NRG2: variants seen among roughly 807,000 people sequenced by gnomAD.
NRG2 encodes the protein pro-neuregulin-2, membrane-bound isoform.
NRG2 carries 27 observed loss-of-function variants against 73.9 expected under a neutral mutation model. That is an observed-to-expected ratio of 0.37 (90% confidence interval 0.27 to 0.50). The LOEUF (loss-of-function observed/expected upper bound fraction) is 0.50. Ranked by LOEUF, NRG2 falls within the 20% of genes least tolerant of loss-of-function variation. The probability of loss-of-function intolerance (pLI) is 0.96; values close to 1 mark genes in which losing one functional copy is unlikely to be tolerated. For missense variants in NRG2, 1,126 were observed against 1,210.1 expected, an observed-to-expected ratio of 0.93 and a Z score of 1.03; for synonymous variants, 532 against 541.0, an observed-to-expected ratio of 0.98 and a Z score of 0.23.
rs76518683 is a variant in NRG2, at chr5:139,853,734, C to T, written c.1293-707G>A. ...TTTAAGACCCTTCATTGTGAACTCA[C>T]GGAGATAGAGAGTAGAAGGATGGTT... On this transcript the variant is annotated intron_variant, in intron 6 of 9. Coordinates refer to ENST00000361474, the MANE Select transcript of NRG2 (RefSeq NM_004883.3). This position sits in a 1 kb window ranked among gnomAD's most constrained non-coding sequence, Gnocchi z 4.1. 0.012 allele frequency among the ~76,000 whole-genome samples: 1,842 copies of T among 151,692 alleles called. 31 individuals are homozygous for T. The highest frequency in any genetic ancestry group is 0.042 in the African/African-American group (1,738 of 41,324).
In NRG2 at chr5:140,000,980, T is replaced by C. The variant is rs185029442; in HGVS notation, c.700+41390A>G. Among the ~76,000 whole-genome samples, 33 of 152,330 alleles carry C rather than the reference T, an allele frequency of 2.2e-4. 1 individual carries two copies. Among genetic ancestry groups the C allele is most frequent in the Admixed American group, 6.5e-4 (10 of 15,306 alleles). ...TCGATCTCTCTGTGACCTACTTTGA[T>C]AGCCTCGTCTTCTGCCTTTTCTCCA... On this transcript the variant is annotated intron_variant, in intron 1 of 9. Coordinates refer to ENST00000361474, the MANE Select transcript of NRG2 (RefSeq NM_004883.3).
chr5:140,016,933 G>C lies in NRG2; in HGVS notation c.700+25437C>G, dbSNP rs974057353. ...AGGTGAGATCACACAGGGCCTTGGA[G>C]GCCACGTGAGGGTTTTGTTGTAATA... On this transcript the variant is annotated intron_variant, in intron 1 of 9. Coordinates refer to ENST00000361474, the MANE Select transcript of NRG2 (RefSeq NM_004883.3). Among the ~76,000 whole-genome samples, 12 of 152,326 alleles carry C rather than the reference G, an allele frequency of 7.9e-5. No individual in the cohort carries two copies. The East Asian group carries it at 2.1e-3, about 27-fold the overall frequency.
chr5:139,980,075 T>C (rs931424156), intron 1 of NRG2, among the ~76,000 whole-genome samples: 18 of 152,172 alleles, frequency 1.2e-4, no homozygotes, highest in African/African-American at 4.1e-4. Context: ...GTTTGTCACA[T>C]CCCATGCTAT....
At chr5:140,033,225 C>T (rs952775969) in intron 1 of NRG2, among the ~76,000 whole-genome samples, 9 of 152,170 alleles carry the variant, frequency 5.9e-5, no homozygotes, top group African/African-American at 2.2e-4. Flanking sequence ...ACCCCCAAAT[C>T]AAAGCAGGAT....
rs1426452918 is a variant in NRG2, at chr5:139,904,578, T to G, written c.701-17067A>C. ...CCGCGCCCTCCACCCTCGCCCCCCC[T>G]CCACCGGCTCGGGCCGCGGGGGCGT... On this transcript the variant is annotated intron_variant, in intron 1 of 9. Transcript: ENST00000361474. This position sits in a 1 kb window ranked among gnomAD's most constrained non-coding sequence, Gnocchi z 6.0. Among the ~76,000 whole-genome samples the G allele has an allele frequency of 6.6e-6, 1 of 151,546 alleles. No homozygotes were observed. The highest frequency in any genetic ancestry group is 2.4e-5 in the African/African-American group (1 of 41,194).
intron 1 of NRG2, among the ~76,000 whole-genome samples, chr5:139,964,412 C>T (rs1755330699): frequency 7.0e-6 from 1 of 142,114 alleles, no homozygotes; most frequent in Admixed American, 6.8e-5. Context: ...TCTAGAATCA[C>T]AGCCTGTCAA....
At chr5:139,896,082 G>C (rs1217839731) in intron 1 of NRG2, among the ~76,000 whole-genome samples, 2 of 152,156 alleles carry the variant, frequency 1.3e-5, no homozygotes, top group East Asian at 3.8e-4. Flanking sequence ...ATGTAGCAGG[G>C]GTTGGGGAAA....
At chr5:139,890,446 T>C (rs912261344) in intron 1 of NRG2, among the ~76,000 whole-genome samples, 1 of 149,614 alleles carries the variant, frequency 6.7e-6, no homozygotes, top group African/African-American at 2.5e-5. Flanking sequence ...TTCGTCTTTT[T>C]CTTTTCTTTT....
intron 1 of NRG2, among the ~76,000 whole-genome samples, chr5:140,020,488 TAAAAGG>T (rs1760133536): frequency 6.6e-6 from 1 of 152,168 alleles, no homozygotes; most frequent in Non-Finnish European, 1.5e-5. Flanking sequence ...CTTCCACTTT[TAAAAGG>T]AAAAGGAATG....
intron 1 of NRG2, among the ~76,000 whole-genome samples, chr5:139,923,093 T>C (rs145634889): frequency 6.6e-6 from 1 of 152,232 alleles, no homozygotes; most frequent in Non-Finnish European, 1.5e-5. Context: ...TAGTGTAAAC[T>C]ATGGATTTTG....
rs535853894 is a variant in NRG2 at position 139,942,848 on chromosome 5, T to C, written c.701-55337A>G. Among the ~76,000 whole-genome samples, 7 of 152,322 alleles carry C rather than the reference T, an allele frequency of 4.6e-5. No homozygotes were observed. In the South Asian group the frequency reaches 1.5e-3, roughly 32 times the overall value. ...TTTGATGTAGCCTGATTTCCACTATTTATTTATTTATTGAAACAGTCTCAC... is the reference window on the plus strand; with the variant it reads ...TTTGATGTAGCCTGATTTCCACTATCTATTTATTTATTGAAACAGTCTCAC... On this transcript the variant is annotated intron_variant, in intron 1 of 9. Coordinates refer to ENST00000361474, the MANE Select transcript of NRG2 (RefSeq NM_004883.3).
intron 1 of NRG2, among the ~76,000 whole-genome samples, chr5:140,003,511 T>G (rs1758656055): frequency 1.3e-5 from 2 of 152,170 alleles, no homozygotes; most frequent in African/African-American, 2.4e-5. Flanking sequence ...AGCCAAGGAA[T>G]GCAGGTGACC....
At chr5:139,975,872 T>C (rs1756347693) in intron 1 of NRG2, among the ~76,000 whole-genome samples, 1 of 152,176 alleles carries the variant, frequency 6.6e-6, no homozygotes, top group African/African-American at 2.4e-5. Flanking sequence ...GGTAATAGAA[T>C]AAAAGAAAAT....
At chr5:139,876,584 C>G (rs1210725021) in intron 3 of NRG2, among the ~76,000 whole-genome samples, 1 of 152,126 alleles carries the variant, frequency 6.6e-6, no homozygotes, top group Admixed American at 6.5e-5. Flanking sequence ...ATCAGGGCCC[C>G]TGAAGAGTGA....
intron 1 of NRG2, among the ~76,000 whole-genome samples, chr5:139,962,369 T>C (rs1199552138): frequency 6.6e-6 from 1 of 152,168 alleles, no homozygotes; most frequent in Non-Finnish European, 1.5e-5. Context: ...CAGAGCCAGC[T>C]TGGCTCAAAA....
At chr5:140,011,874 C>T (rs1396979373) in intron 1 of NRG2, among the ~76,000 whole-genome samples, 1 of 152,120 alleles carries the variant, frequency 6.6e-6, no homozygotes, top group East Asian at 1.9e-4. Flanking sequence ...ATAAGAGGAC[C>T]CAACTCAAAA....
intron 1 of NRG2, among the ~76,000 whole-genome samples, chr5:139,896,901 GGCC>G (rs1417883642): frequency 6.6e-6 from 1 of 152,206 alleles, no homozygotes; most frequent in Non-Finnish European, 1.5e-5. Context: ...TGTAGAGAAA[GGCC>G]GCCCACCTTC....
In NRG2 at chr5:139,898,296, A is replaced by G. The variant is rs78882079; in HGVS notation, c.701-10785T>C. 6.4e-4 allele frequency among the ~76,000 whole-genome samples: 97 copies of G among 152,376 alleles called. 1 individual carries two copies. The East Asian group carries it at 0.014, about 23-fold the overall frequency. On this transcript the variant is annotated intron_variant, in intron 1 of 9. Coordinates refer to ENST00000361474, the MANE Select transcript of NRG2 (RefSeq NM_004883.3). ...CGAGGTACTCATGGAACTGAGAGGAATCCATCTGCACCGCAGGCATGAGAG... is the reference window on the plus strand; with the variant it reads ...CGAGGTACTCATGGAACTGAGAGGAGTCCATCTGCACCGCAGGCATGAGAG...
At chr5:139,920,682 A>G (rs1202125626) in intron 1 of NRG2, among the ~76,000 whole-genome samples, 1 of 152,206 alleles carries the variant, frequency 6.6e-6, no homozygotes, top group Non-Finnish European at 1.5e-5. Flanking sequence ...TGAGACCTCA[A>G]AGATTAATCA....
Sources: gnomAD v4.1 joint callset for allele counts (sites outside exome capture counted in the v4.1 genomes callset) on GRCh38, gnomAD v4.1.1 for gene constraint, Gnocchi (gnomAD v3.1) non-coding constraint, MANE v1.5 for transcripts, NCBI Gene and HGNC (gene_info 2026-07-23, HGNC 2026-07-21) for gene names.